Variants in ZNF577 observed in about 807,000 individuals in gnomAD.
ZNF577 encodes zinc finger protein 577.
Under a neutral mutation model 13.9 loss-of-function variants are expected in ZNF577, and 14 were observed. The ratio of observed to expected loss-of-function variants is 1.00; its 90% CI spans 0.66 to 1.57. The LOEUF is 1.57. Among genes scored for constraint, ZNF577 ranks in the 40% most tolerant of loss-of-function variants. The pLI, the probability that ZNF577 is intolerant of heterozygous loss-of-function variation, is 0.00. For synonymous variants in ZNF577, 203 were observed against 202.9 expected, an observed-to-expected ratio of 1.00 and a Z score of 0.00; for missense variants, 555 against 579.2, an observed-to-expected ratio of 0.96 and a Z score of 0.43.
At chr19:51,826,796 C>T (rs898395218) in intron 9 of ZNF577, among the ~76,000 whole-genome samples, 1 of 152,098 alleles carries the variant, frequency 6.6e-6, no homozygotes, top group Admixed American at 6.5e-5. Flanking sequence ...GTGCTGCTGA[C>T]TGGTTGGGAA....
rs1447942864 is a variant in ZNF577, at chr19:51,869,676, G to A, written c.*2856C>T. On this transcript the variant is annotated 3_prime_UTR_variant, in exon 6 of 6. Transcript: ENST00000638348. Reference sequence around the variant, plus strand: ...CCCCCCTGACGAGAAACACCCACAGGTGTGGACGGGCTGGACCCCTTCAAT... The same window carrying A: ...CCCCCCTGACGAGAAACACCCACAGATGTGGACGGGCTGGACCCCTTCAAT... Among the ~76,000 whole-genome samples the A allele has an allele frequency of 6.6e-6, 1 of 152,156 alleles. No individual in the cohort carries two copies.
intron 1 of ZNF577, among the ~76,000 whole-genome samples, chr19:51,884,007 G>A (rs1031199999): frequency 2.0e-5 from 3 of 152,212 alleles, no homozygotes; most frequent in African/African-American, 7.2e-5. Flanking sequence ...CTGGGAAGTG[G>A]GAATTGCAGT....
At chr19:51,837,390 GT>G (rs759052299) in intron 9 of ZNF577, among the ~76,000 whole-genome samples, 2 of 152,188 alleles carry the variant, frequency 1.3e-5, no homozygotes, top group Non-Finnish European at 2.9e-5. Flanking sequence ...GCTCTGATTG[GT>G]TGGTTTCCAA....
At position 51,872,998 on chromosome 19, in the gene ZNF577, C is replaced by T. The variant is rs150575837; in HGVS notation, c.992G>A (p.Cys331Tyr). 6.3e-5 allele frequency: 102 copies of T among 1,614,066 alleles called. No homozygotes were observed. Among genetic ancestry groups the T allele is most frequent in the East Asian group, 3.6e-4 (16 of 44,896 alleles). Residue 331 changes from cysteine to tyrosine, a missense_variant, in exon 6 of 6, where the codon TGT becomes TAT. Coordinates refer to ENST00000638348, the MANE Select transcript of ZNF577 (RefSeq NM_001370449.1). ...TGEKPYECSE[C>Y]EKAFRSKSKL... ...CGACTTGCTTCTAAAGGCTTTTTCA[C>T]ACTCACTACATTCATAAGGTTTCTC...
At chr19:51,834,850 A>G (rs2084280440) in intron 9 of ZNF577, among the ~76,000 whole-genome samples, 1 of 152,066 alleles carries the variant, frequency 6.6e-6, no homozygotes, top group African/African-American at 2.4e-5. Context: ...CATCTGGCTA[A>G]TTTTTAAATT....
chr19:51,880,622 C>T (rs888368515), intron 2 of ZNF577, 57 bp downstream of exon 2: 6 of 545,092 alleles, frequency 1.1e-5, no homozygotes, highest in Non-Finnish European at 1.6e-5. Flanking sequence ...CTGTCTTTTA[C>T]AAGCTTCCAC....
intron 1 of ZNF577, among the ~76,000 whole-genome samples, chr19:51,885,072 T>G (rs1323689929): frequency 6.6e-6 from 1 of 152,232 alleles, no homozygotes; most frequent in Non-Finnish European, 1.5e-5. Flanking sequence ...AAATGTCCTA[T>G]GTGCATCTGA....
At chr19:51,821,418 G>A (rs886147997) in intron 9 of ZNF577, among the ~76,000 whole-genome samples, 8 of 152,218 alleles carry the variant, frequency 5.3e-5, no homozygotes, top group East Asian at 3.9e-4. Flanking sequence ...TACTAGCATC[G>A]GTGGATAGAG....
At chr19:51,857,398 G>GA (rs1056613843) in intron 5 of ZNF577, among the ~76,000 whole-genome samples, 2 of 121,372 alleles carry the variant, frequency 1.6e-5, no homozygotes, top group Non-Finnish European at 3.3e-5. Flanking sequence ...AAGAAAGAAA[G>GA]AAAGAAAGAA....
chr19:51,806,835 C>A (rs919455994), intron 10 of ZNF577, among the ~76,000 whole-genome samples: 7 of 152,200 alleles, frequency 4.6e-5, no homozygotes, highest in Non-Finnish European at 7.3e-5. Flanking sequence ...GTCTAGCGTA[C>A]TTTTAACTGT....
intron 10 of ZNF577, among the ~76,000 whole-genome samples, chr19:51,807,167 A>G (rs990806125): frequency 6.6e-6 from 1 of 152,032 alleles, no homozygotes; most frequent in African/African-American, 2.4e-5. Flanking sequence ...AATGGCCCTG[A>G]GCTTTACACA....
Position 51,845,315 on chromosome 19 carries a change from G to C in ZNF577, c.284-384C>G, listed in dbSNP as rs145985669. Among the ~76,000 whole-genome samples the C allele has an allele frequency of 3.2e-4, 48 of 152,162 alleles. 1 individual carries two copies. In the East Asian group the frequency reaches 8.9e-3, roughly 28 times the overall value. ...TTGAGACCAGCCTGATCAACATGGA[G>C]AAACCCGGTCACTACTAAAAATACC... On this transcript the variant is annotated intron_variant and NMD_transcript_variant, in intron 5 of 10. Coordinates refer to the ZNF577 transcript ENST00000638827.
chr19:51,857,589 A>G (rs11669509), intron 5 of ZNF577, among the ~76,000 whole-genome samples: 57,383 of 151,878 alleles, frequency 0.38, 11,970 homozygotes, highest in African/African-American at 0.55. Flanking sequence ...TTGTAGGTTG[A>G]AGAACCAATA....
exon 6 of ZNF577, chr19:51,844,808 G>A (rs752653808): frequency 2.6e-5 from 4 of 152,112 alleles, no homozygotes; most frequent in Non-Finnish European, 5.9e-5. Flanking sequence ...AGTACTTTTA[G>A]TATCTGTTTG....
chr19:51,837,602 T>A (rs766307381), intron 9 of ZNF577, among the ~76,000 whole-genome samples: 57 of 152,194 alleles, frequency 3.7e-4, no homozygotes, highest in Non-Finnish European at 7.3e-4. Context: ...GTGCACAAAG[T>A]CAGACACAAA....
intron 5 of ZNF577, among the ~76,000 whole-genome samples, chr19:51,857,494 G>C (rs1031239499): frequency 2.0e-5 from 3 of 152,190 alleles, no homozygotes; most frequent in African/African-American, 7.2e-5. Flanking sequence ...AGGATTTTTA[G>C]AAGAGCATAG....
At chr19:51,825,113 A>T (rs1050848211) in intron 9 of ZNF577, 1 of 289,694 alleles carries the variant, frequency 3.5e-6, no homozygotes, top group Non-Finnish European at 6.8e-6. Context: ...AGGCTTCTGA[A>T]ACTTCGGACC....
intron 10 of ZNF577, among the ~76,000 whole-genome samples, chr19:51,806,058 G>C (rs1037708745): frequency 6.6e-6 from 1 of 152,156 alleles, no homozygotes; most frequent in African/African-American, 2.4e-5. Flanking sequence ...CTTCTGAGCT[G>C]CCAAAAAGAC....
downstream of ZNF577, among the ~76,000 whole-genome samples, chr19:51,866,409 A>G (rs2084564582): frequency 6.6e-6 from 1 of 152,314 alleles, no homozygotes; most frequent in Middle Eastern, 3.4e-3. Context: ...AACCACCCCC[A>G]GCTGACAGCC....
Sources: allele counts gnomAD v4.1 joint callset (sites outside exome capture counted in the v4.1 genomes callset), GRCh38; gene constraint gnomAD v4.1.1; transcripts MANE v1.5; gene names NCBI Gene and HGNC (gene_info 2026-07-23, HGNC 2026-07-21).